The following USH2A variants were observed in gnomAD, a reference collection of about 807,000 sequenced individuals.
USH2A encodes the protein Usher syndrome 2A (autosomal recessive, mild).
Under a neutral mutation model 538.9 loss-of-function variants are expected in USH2A, and 443 were observed. The observed-to-expected ratio is 0.82, with a 90% CI of 0.76 to 0.89. The LOEUF is 0.89. Ranked by LOEUF, USH2A falls within the 40% of genes least tolerant of loss-of-function variation. The pLI is 0.00. For missense variants in USH2A, 6,633 were observed against 6,324.8 expected (o/e 1.05, Z -1.65); for synonymous variants, 2,413 against 2,273.5 (o/e 1.06, Z -1.75).
At chr1:216,034,797 A>G (rs919973347) in intron 32 of USH2A, among the ~76,000 whole-genome samples, 1 of 152,166 alleles carries the variant, frequency 6.6e-6, no homozygotes, top group Admixed American at 6.6e-5. Flanking sequence ...CAGAGAGACA[A>G]TGGGCCTACT....
chr1:216,254,150 C>G (rs2036216181), intron 11 of USH2A, among the ~76,000 whole-genome samples: 1 of 152,140 alleles, frequency 6.6e-6, no homozygotes, highest in South Asian at 2.1e-4. Flanking sequence ...TCATTAATCT[C>G]TCTGTAACAC....
At chr1:216,274,553 A>T in intron 11 of USH2A, among the ~76,000 whole-genome samples, 1 of 152,118 alleles carries the variant, frequency 6.6e-6, no homozygotes, top group Non-Finnish European at 1.5e-5. Flanking sequence ...TTAATGTAAC[A>T]GGCTACCTTC....
At chr1:216,062,737 C>T (rs557054429) in intron 30 of USH2A, among the ~76,000 whole-genome samples, 3 of 152,182 alleles carry the variant, frequency 2.0e-5, no homozygotes, top group Admixed American at 6.5e-5. Context: ...CTCTACAAGC[C>T]GTGTTCTGAA....
intron 43 of USH2A, among the ~76,000 whole-genome samples, chr1:215,868,924 T>C (rs1664553626): frequency 6.6e-6 from 1 of 152,216 alleles, no homozygotes; most frequent in African/African-American, 2.4e-5. Context: ...ACTTCTTATA[T>C]CCAGACCTGT....
chr1:215,804,861 A>C (rs996626866), intron 49 of USH2A, among the ~76,000 whole-genome samples: 2 of 152,212 alleles, frequency 1.3e-5, no homozygotes, highest in Non-Finnish European at 2.9e-5. Context: ...ACTATTCACA[A>C]TAGCAAAGAC....
At chr1:216,038,756 C>A (rs1303157211) in intron 32 of USH2A, among the ~76,000 whole-genome samples, 1 of 151,924 alleles carries the variant, frequency 6.6e-6, no homozygotes, top group Admixed American at 6.6e-5. Flanking sequence ...CACTTTAAAA[C>A]GTACATAAAA....
chr1:215,638,343 G>A lies in USH2A; in HGVS notation c.15052+812C>T, dbSNP rs530729404. 1.1e-3 allele frequency among the ~76,000 whole-genome samples: 174 copies of A among 152,268 alleles called. 1 individual carries two copies. The highest frequency in any genetic ancestry group is 4.1e-3 in the African/African-American group (170 of 41,542). Reference sequence around the variant, plus strand: ...GCATTTTAAGAGTACATTCTGGCCAGGTGCAGTGGCTCACGCCTGTAATTC... The same window carrying A: ...GCATTTTAAGAGTACATTCTGGCCAAGTGCAGTGGCTCACGCCTGTAATTC... On this transcript the variant is annotated intron_variant, in intron 69 of 71. Coordinates refer to ENST00000307340, the MANE Select transcript of USH2A (RefSeq NM_206933.4).
At chr1:216,040,048 TACACACACACACAC>T (rs59691309) in intron 32 of USH2A, among the ~76,000 whole-genome samples, 36 of 146,324 alleles carry the variant, frequency 2.5e-4, no homozygotes, top group African/African-American at 5.0e-4. Context: ...GTCTCTCAAT[TACACACACACACAC>T]ACACACACAC....
chr1:215,756,502 G>T (rs1040491651), intron 58 of USH2A, among the ~76,000 whole-genome samples: 4 of 152,142 alleles, frequency 2.6e-5, no homozygotes, highest in Non-Finnish European at 5.9e-5. Flanking sequence ...GATTGTAGAA[G>T]ACCCTGGTCT....
Position 216,323,555 on chromosome 1 carries a change from T to G in USH2A, c.1469A>C (p.His490Pro). 2.5e-6 allele frequency: 4 copies of G among 1,613,544 alleles called. No individual in the cohort carries two copies. The highest frequency in any genetic ancestry group is 3.4e-6 in the Non-Finnish European group (4 of 1,179,762). ...VKATQIRFHF[H>P]GQYYTTETAV... ...AGTCTCAGTTGTATAGTACTGCCCA[T>G]GAAAATGAAACCTTATTTGCGTGGC... The change falls in exon 8 of 72, where the codon CAT becomes CCT. Residue 490 changes from histidine to proline, a missense_variant. By Grantham distance (77) the His-to-Pro change is moderately conservative. Coordinates refer to ENST00000307340, the MANE Select transcript of USH2A (RefSeq NM_206933.4).
intron 61 of USH2A, among the ~76,000 whole-genome samples, chr1:215,681,294 G>T (rs1303056302): frequency 6.6e-6 from 1 of 150,844 alleles, no homozygotes; most frequent in South Asian, 2.1e-4. Context: ...GTATGCAAGT[G>T]GGGTAGTAAT....
In USH2A at chr1:215,792,727, G is replaced by A. The variant is rs141488967; in HGVS notation, c.9959-2445C>T. Among the ~76,000 whole-genome samples, 1,234 of 152,280 alleles carry A rather than the reference G, an allele frequency of 8.1e-3. 19 individuals carry two copies. Among genetic ancestry groups the A allele is most frequent in the African/African-American group, 0.028 (1,170 of 41,576 alleles). On this transcript the variant is annotated intron_variant, in intron 50 of 71. Coordinates refer to ENST00000307340, the MANE Select transcript of USH2A (RefSeq NM_206933.4). ...CAAATTCAGAGACAGACAATCTTCC[G>A]AAACTGCATTGCAATAACTTTCGAC... is the stretch of plus-strand genomic sequence containing the variant.
intron 37 of USH2A, among the ~76,000 whole-genome samples, chr1:215,943,187 T>G (rs753440363): frequency 1.3e-5 from 2 of 151,970 alleles, no homozygotes; most frequent in Non-Finnish European, 2.9e-5. Context: ...ATATATCGAG[T>G]ATTATACATA....
chr1:216,168,068 C>A (rs950538570), intron 21 of USH2A, among the ~76,000 whole-genome samples: 3 of 152,000 alleles, frequency 2.0e-5, no homozygotes, highest in African/African-American at 7.2e-5. Context: ...AATGTTTTAA[C>A]TAATTTTTTT....
At chr1:215,683,960 C>CT (rs1296158025) in intron 61 of USH2A, among the ~76,000 whole-genome samples, 3 of 101,278 alleles carry the variant, frequency 3.0e-5, no homozygotes, top group Non-Finnish European at 4.3e-5. Flanking sequence ...GTACGTAATT[C>CT]TACAAGCATG....
intron 36 of USH2A, among the ~76,000 whole-genome samples, chr1:215,967,609 A>C (rs894351377): frequency 6.6e-6 from 1 of 152,184 alleles, no homozygotes; most frequent in Non-Finnish European, 1.5e-5. Context: ...TAGAATAAGT[A>C]TATCTCCTAA....
chr1:216,400,559 A>G (rs1440229143), intron 3 of USH2A, among the ~76,000 whole-genome samples: 2 of 152,176 alleles, frequency 1.3e-5, no homozygotes, highest in African/African-American at 2.4e-5. Context: ...ATGGCAAAAG[A>G]CATTAACAAA....
At chr1:216,377,645 C>T (rs946656628) in intron 3 of USH2A, among the ~76,000 whole-genome samples, 1 of 148,420 alleles carries the variant, frequency 6.7e-6, no homozygotes. Context: ...TCTTCCCAAA[C>T]CATGTTACCC....
Position 215,899,031 on chromosome 1 carries a change from T to C in USH2A, c.7594+1044A>G, listed in dbSNP as rs535874486. ...TAACATACATTATTGCTCATAAAGGTGGCTTTTTTTTGTAAAAATAAAGTC... is the reference window on the plus strand; with the variant it reads ...TAACATACATTATTGCTCATAAAGGCGGCTTTTTTTTGTAAAAATAAAGTC... On this transcript the variant is annotated intron_variant, in intron 40 of 71. Transcript: ENST00000307340. Among the ~76,000 whole-genome samples the C allele has an allele frequency of 2.6e-5, 4 of 152,322 alleles. No homozygotes were observed. The East Asian group carries it at 7.7e-4, about 29-fold the overall frequency.
Sources: allele counts gnomAD v4.1 joint callset (sites outside exome capture counted in the v4.1 genomes callset), GRCh38; gene constraint gnomAD v4.1.1; transcripts MANE v1.5; gene names NCBI Gene and HGNC (gene_info 2026-07-23, HGNC 2026-07-21).